DAB1: variants seen among roughly 807,000 people sequenced by gnomAD.
DAB1 encodes DAB adaptor protein 1.
DAB1 carries 15 observed loss-of-function variants against 64.6 expected under a neutral mutation model. The ratio of observed to expected loss-of-function variants is 0.23; its 90% CI spans 0.16 to 0.36. DAB1 has a LOEUF of 0.36. Ranked by LOEUF, DAB1 falls within the 10% of genes least tolerant of loss-of-function variation. The pLI is 1.00. For missense variants in DAB1, 596 were observed against 706.7 expected (o/e 0.84, Z 1.78); for synonymous variants, 235 against 251.9 (o/e 0.93, Z 0.64).
At chr1:57,002,689 T>C (rs1316216784) in intron 14 of DAB1, among the ~76,000 whole-genome samples, 2 of 152,226 alleles carry the variant, frequency 1.3e-5, no homozygotes, top group Non-Finnish European at 2.9e-5. Context: ...CCTTGCCTTA[T>C]GCTGATGGTA....
intron 1 of DAB1, among the ~76,000 whole-genome samples, chr1:57,355,323 C>G (rs567308534): frequency 6.6e-6 from 1 of 151,572 alleles, no homozygotes; most frequent in Admixed American, 6.6e-5. Context: ...TATCTATCTT[C>G]CTTCCTTCCT....
chr1:57,580,066 A>G lies in DAB1; in HGVS notation n.625+69526T>C, dbSNP rs367808784. ...GGATTGGCTAGTTTGGGTAATTCCA[A>G]CGTGCTCTGTAGCACAGCGGCTGTC... is the stretch of plus-strand genomic sequence containing the variant. On this transcript the variant is annotated intron_variant and non_coding_transcript_variant, in intron 7 of 20. Coordinates refer to the DAB1 transcript ENST00000485760. Among the ~76,000 whole-genome samples the G allele has an allele frequency of 5.3e-5, 8 of 152,012 alleles. No homozygotes were observed. In the South Asian group the frequency reaches 1.3e-3, roughly 24 times the overall value.
At chr1:57,611,028 C>A (rs542628159) in intron 7 of DAB1, among the ~76,000 whole-genome samples, 1 of 151,962 alleles carries the variant, frequency 6.6e-6, no homozygotes, top group Non-Finnish European at 1.5e-5. Flanking sequence ...GCTTATCTAG[C>A]AACCCTCAAG....
At chr1:57,978,781 GA>G (rs1236979498) in intron 5 of DAB1, among the ~76,000 whole-genome samples, 1 of 152,158 alleles carries the variant, frequency 6.6e-6, no homozygotes, top group Non-Finnish European at 1.5e-5. Context: ...CTTCTCAAAA[GA>G]AGACATTTAT....
chr1:58,466,821 A>G (rs974102414), intron 3 of DAB1, among the ~76,000 whole-genome samples: 1 of 151,906 alleles, frequency 6.6e-6, no homozygotes, highest in African/African-American at 2.4e-5. Context: ...GTGCAGGGGG[A>G]GCTGTGTTTG....
At chr1:58,109,824 C>T (rs775083764) in intron 5 of DAB1, among the ~76,000 whole-genome samples, 24 of 151,390 alleles carry the variant, frequency 1.6e-4, no homozygotes, top group Non-Finnish European at 3.1e-4. Context: ...ACTAGATCTC[C>T]TGCAGAGAAG....
chr1:58,311,723 G>T (rs1481388588), intron 4 of DAB1, among the ~76,000 whole-genome samples: 1 of 152,096 alleles, frequency 6.6e-6, no homozygotes, highest in Non-Finnish European at 1.5e-5. Flanking sequence ...ATGGTCTGCA[G>T]TTTCTCCCTG....
intron 5 of DAB1, among the ~76,000 whole-genome samples, chr1:58,025,651 G>GTA (rs763787466): frequency 0.04 from 2,998 of 75,140 alleles, 70 homozygotes; most frequent in African/African-American, 0.067. Flanking sequence ...ATATATGTGT[G>GTA]TATATATATA....
chr1:58,217,526 T>TAC (rs1289582289), intron 4 of DAB1, among the ~76,000 whole-genome samples: 3 of 152,232 alleles, frequency 2.0e-5, no homozygotes, highest in African/African-American at 7.2e-5. Flanking sequence ...TTCAGTTATT[T>TAC]ACACACAGTT....
At chr1:57,463,558 T>C (rs2101186190) in intron 7 of DAB1, among the ~76,000 whole-genome samples, 1 of 152,270 alleles carries the variant, frequency 6.6e-6, no homozygotes, top group South Asian at 2.1e-4. Context: ...GCCCTGCTGT[T>C]CCAAGCTTTT....
chr1:58,300,606 AAGAAAGAGAGAGAGAG>A (rs1329933570), intron 4 of DAB1, among the ~76,000 whole-genome samples: 54 of 37,976 alleles, frequency 1.4e-3, no homozygotes, highest in East Asian at 4.2e-3. Flanking sequence ...GAAAGAAAGA[AAGAAAGAGAGAGAGAG>A]AGAGAGAGAG....
At chr1:57,924,405 G>A (rs530621685) in intron 5 of DAB1, among the ~76,000 whole-genome samples, 1 of 152,240 alleles carries the variant, frequency 6.6e-6, no homozygotes, top group South Asian at 2.1e-4. Context: ...AGTCATGAAG[G>A]TGAACCCCTG....
chr1:57,795,469 T>C (rs369988743), intron 6 of DAB1, among the ~76,000 whole-genome samples: 3 of 151,418 alleles, frequency 2.0e-5, no homozygotes, highest in Non-Finnish European at 4.4e-5. Context: ...CAAAGGAACA[T>C]AGAAATGGAA....
chr1:57,699,831 T>C (rs999576062), intron 6 of DAB1, among the ~76,000 whole-genome samples: 1 of 152,164 alleles, frequency 6.6e-6, no homozygotes, highest in Admixed American at 6.5e-5. Flanking sequence ...GAGAATCACT[T>C]GATCCCGGGA....
intron 9 of DAB1, among the ~76,000 whole-genome samples, chr1:57,057,846 G>T (rs945543108): frequency 2.6e-5 from 4 of 152,140 alleles, no homozygotes; most frequent in African/African-American, 4.8e-5. Flanking sequence ...CTGACCTCCT[G>T]ATCCGCCCGC....
At position 57,795,702 on chromosome 1, in the gene DAB1, T is replaced by C. The variant is rs1488937816; in HGVS notation, n.551+88297A>G. 1.6e-4 allele frequency among the ~76,000 whole-genome samples: 14 copies of C among 85,844 alleles called. No individual in the cohort carries two copies. In the South Asian group the frequency reaches 4.3e-3, roughly 27 times the overall value. The allele number at this position is 85,844 out of a possible 152,430, so 56.3% of individuals were successfully genotyped here. ...AATTATGCTTGGAGATATATATATATATATATATATATATATATATATATA... is the reference window on the plus strand; with the variant it reads ...AATTATGCTTGGAGATATATATATACATATATATATATATATATATATATA... On this transcript the variant is annotated intron_variant and non_coding_transcript_variant, in intron 6 of 20. Transcript: ENST00000485760.
intron 6 of DAB1, among the ~76,000 whole-genome samples, chr1:57,728,670 G>A (rs1647285454): frequency 1.3e-5 from 2 of 152,028 alleles, no homozygotes; most frequent in Admixed American, 6.6e-5. Flanking sequence ...GGTGGTGGGA[G>A]CTTTACTGGT....
intron 3 of DAB1, among the ~76,000 whole-genome samples, chr1:58,363,426 G>C (rs1020351528): frequency 3.9e-5 from 6 of 152,210 alleles, no homozygotes; most frequent in African/African-American, 1.4e-4. Context: ...TGAAGCTGCA[G>C]CGAGGCAACT....
At chr1:58,442,101 C>T (rs1336134374) in intron 3 of DAB1, among the ~76,000 whole-genome samples, 2 of 152,120 alleles carry the variant, frequency 1.3e-5, no homozygotes, top group African/African-American at 2.4e-5. Context: ...CCAGCTTTTT[C>T]ATTCTGCTTT....
Sources: gnomAD v4.1 joint callset for allele counts (sites outside exome capture counted in the v4.1 genomes callset) on GRCh38, gnomAD v4.1.1 for gene constraint, MANE v1.5 for transcripts, NCBI Gene and HGNC (gene_info 2026-07-23, HGNC 2026-07-21) for gene names.